Variants in C2orf80 observed in about 807,000 individuals in gnomAD.
The protein encoded by C2orf80 is uncharacterized protein C2orf80.
Under a neutral mutation model 30.2 loss-of-function variants are expected in C2orf80, and 28 were observed. That is an observed-to-expected ratio of 0.93 (90% CI 0.69 to 1.27). The LOEUF (loss-of-function observed/expected upper bound fraction) is 1.27. Among genes scored for constraint, C2orf80 ranks in the 50% most tolerant of loss-of-function variants. The pLI is 0.00. For synonymous variants in C2orf80, 80 were observed against 76.4 expected (o/e 1.05, Z -0.24); for missense variants, 220 against 231.0 (o/e 0.95, Z 0.31).
At chr2:208,169,712 C>CA (rs9288388) in intron 8 of C2orf80, among the ~76,000 whole-genome samples, 1,813 of 112,400 alleles carry the variant, frequency 0.016, 37 homozygotes, top group African/African-American at 0.055. Flanking sequence ...GACTCTGTCT[C>CA]AAAAAAAAAA....
chr2:208,186,063 A>C lies in C2orf80; in HGVS notation c.41+883T>G, dbSNP rs73065260. Among the ~76,000 whole-genome samples, 892 of 152,324 alleles carry C rather than the reference A, an allele frequency of 5.9e-3. 7 individuals carry two copies. Among genetic ancestry groups the C allele is most frequent in the African/African-American group, 0.02 (840 of 41,574 alleles). ...CTTTTGGGTCAAATTCATTTTCCTG[A>C]AGTCTGATGCCAATATAATCTCTGC... On this transcript the variant is annotated intron_variant, in intron 2 of 8. Coordinates refer to ENST00000341287, the MANE Select transcript of C2orf80 (RefSeq NM_001099334.3).
rs113349666 is a variant in C2orf80, at chr2:208,176,950, T to G, written c.366+3795A>C. Reference sequence around the variant, plus strand: ...ACATATGTATACATATCTGTATACATATCTGTATACATATGTATACATATA... The same window carrying G: ...ACATATGTATACATATCTGTATACAGATCTGTATACATATGTATACATATA... On this transcript the variant is annotated intron_variant, in intron 6 of 8. Transcript: ENST00000341287. 9.0e-3 allele frequency among the ~76,000 whole-genome samples: 297 copies of G among 32,828 alleles called. 59 individuals are homozygous for G. Among genetic ancestry groups the G allele is most frequent in the Middle Eastern group, 0.062 (2 of 32 alleles). 21.5% of individuals were successfully genotyped at this position (32,828 alleles called of 152,430 possible).
At chr2:208,189,919 G>C (rs1471351624) in intron 1 of C2orf80, 34 bp downstream of exon 1, 3 of 702,772 alleles carry the variant, frequency 4.3e-6, no homozygotes, top group Non-Finnish European at 7.8e-6. Flanking sequence ...TTAAGTGCCT[G>C]CTCTTAACAA....
In C2orf80 at chr2:208,176,950, T is replaced by TATGTATACAC; in HGVS notation, c.366+3794_366+3795insGTGTATACAT. Among the ~76,000 whole-genome samples the TATGTATACAC allele has an allele frequency of 4.6e-4, 15 of 32,890 alleles. 3 individuals carry two copies. Among genetic ancestry groups the TATGTATACAC allele is most frequent in the African/African-American group, 1.3e-3 (13 of 9,846 alleles). The allele number at this position is 32,890 out of a possible 152,430, so 21.6% of individuals were successfully genotyped here. ...ACATATGTATACATATCTGTATACA[T>TATGTATACAC]ATCTGTATACATATGTATACATATA... On this transcript the variant is annotated intron_variant, in intron 6 of 8. Transcript: ENST00000341287.
intron 2 of C2orf80, among the ~76,000 whole-genome samples, chr2:208,185,949 C>T (rs1355191813): frequency 2.6e-5 from 4 of 152,142 alleles, no homozygotes; most frequent in Non-Finnish European, 5.9e-5. Flanking sequence ...CTTTACTATT[C>T]TATTGGCCTC....
intron 1 of C2orf80, among the ~76,000 whole-genome samples, 182 bp from the exon 2 acceptor site, chr2:208,187,243 C>T (rs546003443): frequency 4.6e-5 from 7 of 152,254 alleles, no homozygotes; most frequent in African/African-American, 1.4e-4. Flanking sequence ...TTATTTGACA[C>T]CTTTTATTCC....
chr2:208,173,438 C>T (rs1696171820), intron 6 of C2orf80, among the ~76,000 whole-genome samples: 1 of 152,024 alleles, frequency 6.6e-6, no homozygotes, highest in Non-Finnish European at 1.5e-5. Context: ...TCCTGGATAA[C>T]ACTGTGAAAA....
At position 208,178,473 on chromosome 2, in the gene C2orf80, G is replaced by A. The variant is rs180897179; in HGVS notation, c.366+2272C>T. On this transcript the variant is annotated intron_variant, in intron 6 of 8. Coordinates refer to ENST00000341287, the MANE Select transcript of C2orf80 (RefSeq NM_001099334.3). The stretch of plus-strand genomic sequence containing the variant: ...GAAAAAGACAAGCAGGAATAAAGCA[G>A]TATGATTTGCTTGGCTATCCAAGGA... Among the ~76,000 whole-genome samples, 9 of 152,268 alleles carry A rather than the reference G, an allele frequency of 5.9e-5. No individual in the cohort carries two copies. In the East Asian group the frequency reaches 1.7e-3, roughly 29 times the overall value.
chr2:208,186,833 T>C, intron 2 of C2orf80, 113 bp downstream of exon 2: 3 of 951,402 alleles, frequency 3.2e-6, no homozygotes, highest in Non-Finnish European at 3.4e-6. Context: ...TCTCCTACCA[T>C]GCAGAAATAG....
At chr2:208,173,533 G>A (rs989773582) in intron 6 of C2orf80, among the ~76,000 whole-genome samples, 5 of 152,114 alleles carry the variant, frequency 3.3e-5, no homozygotes, top group African/African-American at 4.8e-5. Flanking sequence ...GCTGAGGCAG[G>A]AGAATGGTGT....
At chr2:208,189,875 T>C (rs1696826042) in intron 1 of C2orf80, 78 bp downstream of exon 1, 1 of 698,606 alleles carries the variant, frequency 1.4e-6, no homozygotes, top group East Asian at 2.7e-5. Context: ...GCTGCACACC[T>C]GCAATCGTGG....
intron 4 of C2orf80, among the ~76,000 whole-genome samples, chr2:208,182,590 G>A (rs763822039): frequency 6.6e-6 from 1 of 152,090 alleles, no homozygotes; most frequent in African/African-American, 2.4e-5. Flanking sequence ...TAATAGAGGC[G>A]AGGTTTTACC....
chr2:208,167,260 A>G (rs964630185), intron 8 of C2orf80, among the ~76,000 whole-genome samples: 172 of 152,014 alleles, frequency 1.1e-3, no homozygotes, highest in African/African-American at 3.8e-3. Flanking sequence ...GCGGTGGCTC[A>G]TGCCTGTAAT....
At chr2:208,175,746 T>A (rs975265075) in intron 6 of C2orf80, among the ~76,000 whole-genome samples, 6 of 151,666 alleles carry the variant, frequency 4.0e-5, no homozygotes, top group South Asian at 2.1e-4. Context: ...CGTTTTTTTT[T>A]TTAAAAAACT....
At chr2:208,183,105 C>T in intron 3 of C2orf80, 58 bp from the exon 4 acceptor site, 1 of 1,380,702 alleles carries the variant, frequency 7.2e-7, no homozygotes, top group Non-Finnish European at 1.0e-6. Context: ...CCGAAGTACT[C>T]CCTGGACCCA....
At chr2:208,177,002 TA>T (rs1559340776) in intron 6 of C2orf80, among the ~76,000 whole-genome samples, 2 of 64,208 alleles carry the variant, frequency 3.1e-5, no homozygotes, top group African/African-American at 9.2e-5. Context: ...TATACATATA[TA>T]CATATATACA....
At chr2:208,180,259 G>A (rs1696510907) in intron 6 of C2orf80, among the ~76,000 whole-genome samples, 1 of 152,078 alleles carries the variant, frequency 6.6e-6, no homozygotes. Flanking sequence ...AGACCAGCCT[G>A]GTCAACATGG....
At chr2:208,172,193 TACTGTCCAACGGACAC>T in intron 6 of C2orf80, 118 bp from the exon 7 acceptor site, 1 of 824,002 alleles carries the variant, frequency 1.2e-6, no homozygotes, top group Non-Finnish European at 2.1e-6. Context: ...AATTGTTGAG[TACTGTCCAACGGACAC>T]ACTGTCCACA....
intron 4 of C2orf80, among the ~76,000 whole-genome samples, chr2:208,182,189 G>T (rs1241106598): frequency 6.6e-6 from 1 of 152,140 alleles, no homozygotes; most frequent in Non-Finnish European, 1.5e-5. Context: ...CCAATTGAGT[G>T]AGTCTGCCTG....
Sources: gnomAD v4.1 joint callset for allele counts (sites outside exome capture counted in the v4.1 genomes callset) on GRCh38, gnomAD v4.1.1 for gene constraint, MANE v1.5 for transcripts, NCBI Gene and HGNC (gene_info 2026-07-23, HGNC 2026-07-21) for gene names.